The following ERG variants were observed in gnomAD, a reference collection of about 807,000 sequenced individuals.
ERG encodes transcriptional regulator ERG.
Under a neutral mutation model 55.3 loss-of-function variants are expected in ERG, and 9 were observed. The observed-to-expected ratio is 0.16, with a 90% CI of 0.10 to 0.28. The LOEUF is 0.28. ERG is among the 10% of genes least tolerant of loss of function. The pLI is 1.00. For synonymous variants in ERG, 223 were observed against 237.3 expected, an observed-to-expected ratio of 0.94 and a Z score of 0.55; for missense variants, 434 against 631.6, an observed-to-expected ratio of 0.69 and a Z score of 3.35.
intron 3 of ERG, among the ~76,000 whole-genome samples, chr21:38,419,314 T>C (rs1207287123): frequency 6.6e-6 from 1 of 152,192 alleles, no homozygotes; most frequent in African/African-American, 2.4e-5. Context: ...ATGACTCCCC[T>C]TATCTTCCTT....
chr21:38,607,983 T>C (rs1601308063), intron 1 of ERG, among the ~76,000 whole-genome samples: 1 of 152,260 alleles, frequency 6.6e-6, no homozygotes, highest in East Asian at 1.9e-4. Context: ...GTGTATAACA[T>C]TCCCAAAACA....
At chr21:38,565,153 G>A (rs1331359748) in intron 2 of ERG, among the ~76,000 whole-genome samples, 1 of 152,120 alleles carries the variant, frequency 6.6e-6, no homozygotes, top group African/African-American at 2.4e-5. Flanking sequence ...AGCAAATGCT[G>A]TCTTTTCCAC....
chr21:38,581,654 G>A (rs1441580267), intron 1 of ERG, among the ~76,000 whole-genome samples: 1 of 152,160 alleles, frequency 6.6e-6, no homozygotes, highest in African/African-American at 2.4e-5. Flanking sequence ...TCCTGCCTAT[G>A]TAACAAAATC....
At chr21:38,439,676 A>G (rs868856519) in intron 2 of ERG, among the ~76,000 whole-genome samples, 20 of 152,296 alleles carry the variant, frequency 1.3e-4, no homozygotes, top group African/African-American at 4.6e-4. Context: ...GCCAAGCCAA[A>G]CCCACAAGGA....
In ERG at chr21:38,424,116, T is replaced by C. The variant is rs575477342; in HGVS notation, c.237-555A>G. Reference sequence around the variant, plus strand: ...CCTTTGGGAGGTAATTTCAGTTTGATGAGGTCATGAGGGTAGAGTCCCACG... The same window carrying C: ...CCTTTGGGAGGTAATTTCAGTTTGACGAGGTCATGAGGGTAGAGTCCCACG... On this transcript the variant is annotated intron_variant, in intron 2 of 9. Coordinates refer to ENST00000288319, the MANE Select transcript of ERG (RefSeq NM_182918.4). Among the ~76,000 whole-genome samples the C allele has an allele frequency of 4.0e-5, 6 of 151,878 alleles. No homozygotes were observed. The East Asian group carries it at 1.2e-3, about 29-fold the overall frequency.
At position 38,656,524 on chromosome 21, in the gene ERG, A is replaced by G. The variant is rs574337097; in HGVS notation, c.-150+5134T>C. Among the ~76,000 whole-genome samples, 13 of 152,318 alleles carry G rather than the reference A, an allele frequency of 8.5e-5. No homozygotes were observed. In the East Asian group the frequency reaches 2.5e-3, roughly 29 times the overall value. On this transcript the variant is annotated intron_variant, in intron 1 of 10. Coordinates refer to the ERG transcript ENST00000398910. ...AGATAGTCACACAAACCTCCCTGCCAGGCGTGCAGAAAAATGTGCACGCTC... is the reference window on the plus strand; with the variant it reads ...AGATAGTCACACAAACCTCCCTGCCGGGCGTGCAGAAAAATGTGCACGCTC...
At chr21:38,508,902 G>C (rs1189734507) in intron 2 of ERG, among the ~76,000 whole-genome samples, 1 of 152,138 alleles carries the variant, frequency 6.6e-6, no homozygotes, top group Admixed American at 6.5e-5. Flanking sequence ...TGATTTTCTT[G>C]GGAACAGCCA....
rs374855036 is a variant in ERG, at chr21:38,445,589, C to T, written c.51G>A (p.Ser17=). Residue 17 remains serine, a synonymous_variant, in exon 2 of 10, where the codon TCG becomes TCA. Transcript: ENST00000288319. ...GCGTTCCGTAGGCACACTCAAACAA[C>T]GACTGGTCCTCACTCACAACTGATA... ...EALSVVSEDQ[S]LFECAYGTPH... The T allele has an allele frequency of 1.1e-5, 18 of 1,614,018 alleles. No homozygotes were observed. Among genetic ancestry groups the T allele is most frequent in the South Asian group, 3.3e-5 (3 of 91,082 alleles).
intron 1 of ERG, among the ~76,000 whole-genome samples, chr21:38,448,606 G>A (rs1488054408): frequency 1.3e-5 from 2 of 152,146 alleles, no homozygotes; most frequent in East Asian, 3.9e-4. Context: ...CACATTTTGG[G>A]AGTAAGAAGA....
intron 1 of ERG, among the ~76,000 whole-genome samples, chr21:38,617,827 T>C (rs1301808066): frequency 2.6e-5 from 4 of 152,186 alleles, no homozygotes; most frequent in Non-Finnish European, 5.9e-5. Flanking sequence ...AAAGGGTTTG[T>C]TTAGAGTCCA....
At chr21:38,398,777 C>G (rs1056406536) in intron 6 of ERG, among the ~76,000 whole-genome samples, 1 of 152,246 alleles carries the variant, frequency 6.6e-6, no homozygotes, top group African/African-American at 2.4e-5. Flanking sequence ...GCTGGCTTGT[C>G]TGACAGAGAG....
intron 1 of ERG, among the ~76,000 whole-genome samples, chr21:38,605,894 A>C (rs1013651541): frequency 2.0e-5 from 3 of 152,110 alleles, no homozygotes; most frequent in African/African-American, 7.3e-5. Flanking sequence ...GATAGATAAT[A>C]GATAAATAAT....
chr21:38,527,091 A>AGT (rs955482884), intron 2 of ERG, among the ~76,000 whole-genome samples: 15 of 152,184 alleles, frequency 9.9e-5, no homozygotes, highest in African/African-American at 3.4e-4. Context: ...CACCATAATG[A>AGT]GTGAAGTCTC....
At chr21:38,612,505 G>GCAGGA (rs1354261600) in intron 1 of ERG, among the ~76,000 whole-genome samples, 2 of 152,044 alleles carry the variant, frequency 1.3e-5, no homozygotes, top group Non-Finnish European at 2.9e-5. Flanking sequence ...AAGAGCATCT[G>GCAGGA]TACATATTAA....
Position 38,533,354 on chromosome 21 carries a change from T to C in ERG, c.-41+42308A>G, listed in dbSNP as rs567966336. Among the ~76,000 whole-genome samples, 4 of 152,322 alleles carry C rather than the reference T, an allele frequency of 2.6e-5. No homozygotes were observed. The South Asian group carries it at 6.2e-4, about 24-fold the overall frequency. ...TTATTTTAGCTTCTTTGTGTCAAAC[T>C]CAAAGAAGCCTCACATAAATGATCA... On this transcript the variant is annotated intron_variant, in intron 2 of 8. Coordinates refer to the ERG transcript ENST00000398897.
chr21:38,620,526 C>T (rs1311908046), intron 1 of ERG, among the ~76,000 whole-genome samples: 1 of 152,178 alleles, frequency 6.6e-6, no homozygotes, highest in Non-Finnish European at 1.5e-5. Flanking sequence ...GTTACATTGT[C>T]TCACAGGTAA....
At chr21:38,435,867 A>G (rs1990419362) in intron 2 of ERG, among the ~76,000 whole-genome samples, 1 of 152,182 alleles carries the variant, frequency 6.6e-6, no homozygotes, top group Admixed American at 6.5e-5. Context: ...CAGATGTGAC[A>G]TCTTTTCTAT....
intron 2 of ERG, among the ~76,000 whole-genome samples, chr21:38,530,113 G>A (rs952640943): frequency 6.6e-6 from 1 of 152,134 alleles, no homozygotes; most frequent in Non-Finnish European, 1.5e-5. Context: ...GAGCTGGAGT[G>A]CAATGGTGCG....
At chr21:38,368,796 T>C in the ERG span, among the ~76,000 whole-genome samples, 97 of 152,176 alleles carry the variant, frequency 6.4e-4, 1 homozygote, top group African/African-American at 2.2e-3. Context: ...GGCCCCAGTG[T>C]GTGTTGTTCC....
Sources: allele counts gnomAD v4.1 joint callset (sites outside exome capture counted in the v4.1 genomes callset), GRCh38; gene constraint gnomAD v4.1.1; transcripts MANE v1.5; gene names NCBI Gene and HGNC (gene_info 2026-07-23, HGNC 2026-07-21).